Variants in KIAA1671 observed in about 807,000 individuals in gnomAD.
The protein encoded by KIAA1671 is uncharacterized protein KIAA1671.
Under a neutral mutation model 131.2 loss-of-function variants are expected in KIAA1671, and 52 were observed. That is an observed-to-expected ratio of 0.40 (90% CI 0.32 to 0.50). The LOEUF (loss-of-function observed/expected upper bound fraction) is 0.50. Ranked by LOEUF, KIAA1671 falls within the 20% of genes least tolerant of loss-of-function variation. The pLI, the probability that KIAA1671 is intolerant of heterozygous loss-of-function variation, is 0.73. For synonymous variants in KIAA1671, 1,003 were observed against 961.6 expected (o/e 1.04, Z -0.80); for missense variants, 2,360 against 2,364.2 (o/e 1.00, Z 0.04).
At chr22:24,954,947 A>G (rs1218711769) in intron 1 of KIAA1671, among the ~76,000 whole-genome samples, 1 of 151,998 alleles carries the variant, frequency 6.6e-6, no homozygotes, top group Non-Finnish European at 1.5e-5. Context: ...TGCCCGGCTA[A>G]TTTTTGTATT....
intron 6 of KIAA1671, among the ~76,000 whole-genome samples, chr22:25,168,696 A>G (rs931471689): frequency 9.5e-5 from 14 of 147,210 alleles, no homozygotes; most frequent in Admixed American, 1.4e-4. Flanking sequence ...CCATCTAGGG[A>G]AAAAAAAAAA....
intron 6 of KIAA1671, among the ~76,000 whole-genome samples, chr22:25,094,322 C>A (rs555130368): frequency 2.0e-5 from 3 of 152,186 alleles, no homozygotes; most frequent in Admixed American, 1.3e-4. Flanking sequence ...GTGGTACATG[C>A]AGACCCCCAG....
intron 6 of KIAA1671, among the ~76,000 whole-genome samples, chr22:25,084,568 T>C (rs1929600599): frequency 6.6e-6 from 1 of 151,866 alleles, no homozygotes; most frequent in African/African-American, 2.4e-5. Flanking sequence ...GTTGAAGAAA[T>C]GCCTCCAGGC....
chr22:25,097,594 G>C (rs1247704003), intron 6 of KIAA1671, among the ~76,000 whole-genome samples: 1 of 152,100 alleles, frequency 6.6e-6, no homozygotes, highest in Admixed American at 6.5e-5. Flanking sequence ...CAAAAAATTA[G>C]CTGGGTGTGA....
chr22:25,004,727 A>T (rs987976492), intron 1 of KIAA1671, among the ~76,000 whole-genome samples: 1 of 151,874 alleles, frequency 6.6e-6, no homozygotes, highest in African/African-American at 2.4e-5. Flanking sequence ...CGGGCAGATC[A>T]TGAGGTCAGG....
intron 6 of KIAA1671, among the ~76,000 whole-genome samples, chr22:25,089,787 A>G (rs781781168): frequency 2.0e-5 from 3 of 152,220 alleles, no homozygotes; most frequent in Non-Finnish European, 2.9e-5. Context: ...TGCGTGCACT[A>G]TAAACAATTC....
At chr22:25,126,637 A>G (rs1451820330) in intron 6 of KIAA1671, among the ~76,000 whole-genome samples, 2 of 152,166 alleles carry the variant, frequency 1.3e-5, no homozygotes, top group African/African-American at 2.4e-5. Context: ...AGATCCTTCC[A>G]GTTCACTTCT....
chr22:25,185,268 C>G, intron 11 of KIAA1671, 149 bp downstream of exon 11: 1 of 893,592 alleles, frequency 1.1e-6, no homozygotes, highest in African/African-American at 1.7e-5. Context: ...CATGAGAATT[C>G]TCAATACTCA....
intron 5 of KIAA1671, among the ~76,000 whole-genome samples, chr22:25,048,090 G>A (rs1927343832): frequency 6.6e-6 from 1 of 152,208 alleles, no homozygotes; most frequent in Non-Finnish European, 1.5e-5. Context: ...GAGAATGGAG[G>A]GCAACCCGAA....
At chr22:25,181,105 TGCCAGCATCCTGG>T (rs892405857) in intron 9 of KIAA1671, among the ~76,000 whole-genome samples, 7 of 152,088 alleles carry the variant, frequency 4.6e-5, no homozygotes, top group African/African-American at 7.2e-5. Flanking sequence ...ACTGTGCCCA[TGCCAGCATCCTGG>T]TCTCAGAGAA....
At chr22:24,956,743 G>T (rs975874487) in intron 1 of KIAA1671, among the ~76,000 whole-genome samples, 2 of 152,118 alleles carry the variant, frequency 1.3e-5, no homozygotes, top group African/African-American at 4.8e-5. Flanking sequence ...GTGGTGGCGG[G>T]TGCCTGTAGT....
intron 6 of KIAA1671, among the ~76,000 whole-genome samples, chr22:25,074,494 CT>C (rs1928990933): frequency 3.0e-5 from 1 of 33,706 alleles, no homozygotes; most frequent in Non-Finnish European, 5.1e-5. Flanking sequence ...AAGGCTGTGT[CT>C]CAAAAAAAAA....
At chr22:25,083,657 C>G (rs939030255) in intron 6 of KIAA1671, among the ~76,000 whole-genome samples, 3 of 152,234 alleles carry the variant, frequency 2.0e-5, no homozygotes, top group African/African-American at 7.2e-5. Context: ...GGAGCCTGCA[C>G]TGTGTTAGTT....
At position 25,040,700 on chromosome 22, in the gene KIAA1671, C is replaced by G. The variant is rs1926871084; in HGVS notation, c.3570C>G (p.Ile1190Met). 1.9e-6 allele frequency: 3 copies of G among 1,552,040 alleles called. No homozygotes were observed. In the South Asian group the frequency reaches 3.6e-5, roughly 18 times the overall value. Reference sequence around the variant, plus strand: ...TCAGTGACACGTTCCCAGGTAAAATCAGAGATGGCTACAGATCCAGCGTTC... The same window carrying G: ...TCAGTGACACGTTCCCAGGTAAAATGAGAGATGGCTACAGATCCAGCGTTC... The part of the protein sequence containing the change: ...DVISDTFPGK[I>M]RDGYRSSVLD... Residue 1190 changes from isoleucine to methionine, a missense_variant, in exon 5 of 13, where the codon ATC (isoleucine) becomes ATG (methionine). Physicochemically the swap from Ile to Met is conservative, Grantham distance 10. Around this residue, in one of 3 missense-constraint regions of KIAA1671, gnomAD observed 1,161 missense variants for 1,204.7 expected, o/e 0.96. Transcript: ENST00000358431.
At chr22:25,007,641 C>T (rs993677025) in intron 1 of KIAA1671, among the ~76,000 whole-genome samples, 1 of 152,132 alleles carries the variant, frequency 6.6e-6, no homozygotes, top group African/African-American at 2.4e-5. Flanking sequence ...CCACCAGTGC[C>T]ATGTCAGTTT....
chr22:25,048,938 G>C (rs1265456761), intron 5 of KIAA1671: 3 of 350,966 alleles, frequency 8.5e-6, no homozygotes, highest in African/African-American at 6.3e-5. Flanking sequence ...GTTTCTTAGC[G>C]CCTAGAAGCT....
intron 6 of KIAA1671, among the ~76,000 whole-genome samples, chr22:25,132,910 C>T (rs796747140): frequency 9.9e-5 from 15 of 152,132 alleles, no homozygotes; most frequent in East Asian, 5.8e-4. Flanking sequence ...CGAAAATTAG[C>T]GGGGCGTGGT....
At chr22:25,126,316 T>G (rs1421483755) in intron 6 of KIAA1671, among the ~76,000 whole-genome samples, 1 of 152,204 alleles carries the variant, frequency 6.6e-6, no homozygotes, top group East Asian at 1.9e-4. Flanking sequence ...ATTCCTTAAT[T>G]CGTAGCTAGG....
intron 6 of KIAA1671, among the ~76,000 whole-genome samples, chr22:25,074,496 CAAAAAAAAAAAAA>C (rs759898395): frequency 1.6e-5 from 1 of 64,162 alleles, no homozygotes; most frequent in Non-Finnish European, 3.0e-5. Context: ...GGCTGTGTCT[CAAAAAAAAAAAAA>C]AAAAAAAAGA....
Sources: gnomAD v4.1 joint callset for allele counts (sites outside exome capture counted in the v4.1 genomes callset) on GRCh38, gnomAD v4.1.1 for gene constraint, gnomAD v4.1.1 regional missense constraint, MANE v1.5 for transcripts, NCBI Gene and HGNC (gene_info 2026-07-23, HGNC 2026-07-21) for gene names.